The following GALNT11 variants were observed in gnomAD, a reference collection of about 807,000 sequenced individuals.
GALNT11 encodes the protein UDP-GalNAc:polypeptide N-acetylgalactosaminyltransferase 11.
Under a neutral mutation model 72.7 loss-of-function variants are expected in GALNT11, and 47 were observed. The observed-to-expected ratio is 0.65, with a 90% CI of 0.51 to 0.82. GALNT11 has a LOEUF of 0.82. Among genes scored for constraint, GALNT11 ranks in the 40% least tolerant of loss-of-function variants. The pLI, the probability that GALNT11 is intolerant of heterozygous loss-of-function variation, is 0.00. For missense variants in GALNT11, 677 were observed against 778.4 expected, an observed-to-expected ratio of 0.87 and a Z score of 1.55; for synonymous variants, 270 against 286.6, an observed-to-expected ratio of 0.94 and a Z score of 0.58.
At chr7:152,072,673 TC>T (rs2084727724) in intron 1 of GALNT11, among the ~76,000 whole-genome samples, 1 of 152,256 alleles carries the variant, frequency 6.6e-6, no homozygotes, top group African/African-American at 2.4e-5. Context: ...GTAAGTAACT[TC>T]CTTTTTTCCT....
At position 152,059,588 on chromosome 7, in the gene GALNT11, G is replaced by C. The variant is rs143759036; in HGVS notation, c.-39+33704G>C. ...CCATGGGCTGCAGAATGGACAGTGT[G>C]TTAGCAGGCATGAAAACAACATTTA... On this transcript the variant is annotated intron_variant, in intron 1 of 11. Coordinates refer to ENST00000430044, the MANE Select transcript of GALNT11 (RefSeq NM_022087.4). Among the ~76,000 whole-genome samples, 10 of 152,334 alleles carry C rather than the reference G, an allele frequency of 6.6e-5. No homozygotes were observed. The East Asian group carries it at 1.7e-3, about 26-fold the overall frequency.
chr7:152,056,186 A>G (rs979528577), intron 1 of GALNT11, among the ~76,000 whole-genome samples: 1 of 152,242 alleles, frequency 6.6e-6, no homozygotes, highest in Non-Finnish European at 1.5e-5. Flanking sequence ...AATGCCGTTT[A>G]GAATCCAGCC....
Position 152,027,060 on chromosome 7 carries a change from T to C in GALNT11, c.-39+1176T>C, listed in dbSNP as rs966531477. The stretch of plus-strand genomic sequence containing the variant: ...GTCAGGAGATCAAGACCATCCTGGC[T>C]AACACGGTGAAATCCCGTCTCTACT... On this transcript the variant is annotated intron_variant, in intron 1 of 11. Transcript: ENST00000430044. Among the ~76,000 whole-genome samples, 5 of 152,136 alleles carry C rather than the reference T, an allele frequency of 3.3e-5. No homozygotes were observed. The East Asian group carries it at 9.6e-4, about 29-fold the overall frequency.
At chr7:152,062,505 G>A (rs945635709) in intron 1 of GALNT11, among the ~76,000 whole-genome samples, 1 of 152,188 alleles carries the variant, frequency 6.6e-6, no homozygotes, top group African/African-American at 2.4e-5. Context: ...ACAGTATGTT[G>A]AATAGGAGTG....
chr7:152,071,126 C>A (rs200391848), intron 1 of GALNT11, among the ~76,000 whole-genome samples: 7,653 of 101,802 alleles, frequency 0.075, no homozygotes, highest in East Asian at 0.17. Flanking sequence ...GCACCATTGT[C>A]ATTGATAACA....
At chr7:152,107,940 G>A in intron 5 of GALNT11, 98 bp from the exon 6 acceptor site, 1 of 1,427,750 alleles carries the variant, frequency 7.0e-7, no homozygotes, top group Non-Finnish European at 9.5e-7. Flanking sequence ...TGGCAGTCGT[G>A]TTTCATGCTG....
intron 1 of GALNT11, among the ~76,000 whole-genome samples, chr7:152,068,553 T>C (rs2084448059): frequency 6.6e-6 from 1 of 152,224 alleles, no homozygotes; most frequent in South Asian, 2.1e-4. Flanking sequence ...TTTGTGGGCA[T>C]AGAGTTATTT....
In GALNT11 at chr7:152,100,830, A is replaced by G; in HGVS notation, c.328A>G (p.Arg110Gly). ...MIFNERDQELRDLGYQKHAFN... is the reference protein window; with the variant it reads ...MIFNERDQELGDLGYQKHAFN... Reference sequence around the variant, plus strand: ...TTTTAATGAACGCGATCAAGAGTTGAGAGACTTGGGCTATCAGAAACATGC... The same window carrying G: ...TTTTAATGAACGCGATCAAGAGTTGGGAGACTTGGGCTATCAGAAACATGC... The change falls in exon 3 of 12, where the codon AGA becomes GGA. Residue 110 changes from arginine (R) to glycine (G), a missense_variant. Transcript: ENST00000430044. 6.2e-7 allele frequency: 1 copy of G among 1,614,046 alleles called. No individual in the cohort carries two copies.
At chr7:152,035,750 G>A (rs1456163809) in intron 1 of GALNT11, among the ~76,000 whole-genome samples, 1 of 152,174 alleles carries the variant, frequency 6.6e-6, no homozygotes, top group East Asian at 1.9e-4. Flanking sequence ...CAGGTGCCTG[G>A]TATTTAGCCA....
chr7:152,045,932 A>G (rs1038249254), intron 1 of GALNT11, among the ~76,000 whole-genome samples: 12 of 152,058 alleles, frequency 7.9e-5, no homozygotes, highest in African/African-American at 2.7e-4. Context: ...GCTTATTGCT[A>G]TAAACTTTCC....
chr7:152,087,645 T>C (rs188518960), intron 1 of GALNT11, among the ~76,000 whole-genome samples: 32 of 152,348 alleles, frequency 2.1e-4, no homozygotes, highest in African/African-American at 7.7e-4. Flanking sequence ...TAGATACTTT[T>C]CAGCACTTTC....
chr7:152,099,536 T>G lies in GALNT11; in HGVS notation c.296-1262T>G, dbSNP rs1028155943. On this transcript the variant is annotated intron_variant, in intron 2 of 11. Coordinates refer to ENST00000430044, the MANE Select transcript of GALNT11 (RefSeq NM_022087.4). ...GCACCACCACTCCCGCCTAGTTTTT[T>G]TTTTTTTTTTTTTTTTTTTTTTTGT... Among the ~76,000 whole-genome samples the G allele has an allele frequency of 3.2e-5, 4 of 126,870 alleles. No individual in the cohort carries two copies. In the South Asian group the frequency reaches 8.1e-4, roughly 26 times the overall value. The allele number at this position is 126,870 out of a possible 152,430, so 83.2% of individuals were successfully genotyped here.
chr7:152,061,439 A>T (rs1229843372), intron 1 of GALNT11, among the ~76,000 whole-genome samples: 1 of 152,086 alleles, frequency 6.6e-6, no homozygotes, highest in Non-Finnish European at 1.5e-5. Flanking sequence ...GTTCACTCTG[A>T]TGGTAGTTTC....
intron 1 of GALNT11, among the ~76,000 whole-genome samples, chr7:152,034,123 G>A (rs541127954): frequency 7.2e-5 from 11 of 152,256 alleles, no homozygotes; most frequent in Middle Eastern, 3.4e-3. Flanking sequence ...GGACATAACC[G>A]ATAGCCCAGG....
chr7:152,115,857 G>A (rs2088788358), intron 8 of GALNT11, among the ~76,000 whole-genome samples: 1 of 151,972 alleles, frequency 6.6e-6, no homozygotes. Flanking sequence ...GGGAGTTTGA[G>A]ACCAGCCTGA....
At chr7:152,051,351 A>G (rs2083397218) in intron 1 of GALNT11, among the ~76,000 whole-genome samples, 1 of 151,046 alleles carries the variant, frequency 6.6e-6, no homozygotes, top group Non-Finnish European at 1.5e-5. Flanking sequence ...GTCTTGTACA[A>G]CTTCATATAT....
chr7:152,105,421 G>C, intron 5 of GALNT11, 51 bp downstream of exon 5: 15 of 1,584,854 alleles, frequency 9.5e-6, no homozygotes, highest in Non-Finnish European at 1.2e-5. Flanking sequence ...ACAAGGGCTC[G>C]AGCCTCAGCG....
intron 1 of GALNT11, among the ~76,000 whole-genome samples, chr7:152,037,967 T>G (rs2079844): frequency 0.14 from 21,990 of 151,956 alleles, 3,769 homozygotes; most frequent in African/African-American, 0.41. Flanking sequence ...TGGGGGTCTC[T>G]CCATGTTGGT....
intron 1 of GALNT11, among the ~76,000 whole-genome samples, chr7:152,052,741 C>T (rs2083461273): frequency 6.6e-6 from 1 of 152,198 alleles, no homozygotes; most frequent in African/African-American, 2.4e-5. Context: ...TACTTAAACT[C>T]TCCTTTGCTA....
Sources: allele counts gnomAD v4.1 joint callset (sites outside exome capture counted in the v4.1 genomes callset), GRCh38; gene constraint gnomAD v4.1.1; transcripts MANE v1.5; gene names NCBI Gene and HGNC (gene_info 2026-07-23, HGNC 2026-07-21).